Variants in YES1 observed in about 807,000 individuals in gnomAD.
YES1 encodes YES proto-oncogene 1, Src family tyrosine kinase.
Under a neutral mutation model 70.4 loss-of-function variants are expected in YES1, and 39 were observed. The ratio of observed to expected loss-of-function variants is 0.55; its 90% CI spans 0.43 to 0.72. The LOEUF (loss-of-function observed/expected upper bound fraction) is 0.72. Ranked by LOEUF, YES1 falls within the 30% of genes least tolerant of loss-of-function variation. The probability of loss-of-function intolerance (pLI) is 0.00; values close to 1 mark genes in which losing one functional copy is unlikely to be tolerated. For synonymous variants in YES1, 198 were observed against 218.6 expected (o/e 0.91, Z 0.83); for missense variants, 495 against 644.8 (o/e 0.77, Z 2.52).
chr18:750,697 A>ATC (rs1187569652), intron 3 of YES1, among the ~76,000 whole-genome samples: 1 of 152,194 alleles, frequency 6.6e-6, no homozygotes, highest in African/African-American at 2.4e-5. Flanking sequence ...GAGATACTTA[A>ATC]TCCAGCAGGG....
chr18:765,381 G>A (rs1377610736), intron 1 of YES1, among the ~76,000 whole-genome samples: 2 of 145,876 alleles, frequency 1.4e-5, no homozygotes, highest in African/African-American at 5.0e-5. Context: ...TTTGTTTGAA[G>A]TATTTTATAA....
chr18:755,402 C>T (rs1186254841), intron 2 of YES1, among the ~76,000 whole-genome samples: 2 of 152,152 alleles, frequency 1.3e-5, no homozygotes, highest in Non-Finnish European at 2.9e-5. Context: ...GTGCGCAACA[C>T]CACACCTGGC....
chr18:762,029 A>G (rs1904617844), intron 1 of YES1, among the ~76,000 whole-genome samples: 1 of 152,078 alleles, frequency 6.6e-6, no homozygotes, highest in Admixed American at 6.6e-5. Flanking sequence ...TCTACTAAAA[A>G]TACAAAATTA....
intron 6 of YES1, among the ~76,000 whole-genome samples, chr18:745,159 T>C (rs2080264868): frequency 6.6e-6 from 1 of 152,088 alleles, no homozygotes; most frequent in African/African-American, 2.4e-5. Flanking sequence ...TATGCCAAAT[T>C]GGTAATGAAA....
chr18:743,453 C>T (rs762101167), intron 6 of YES1, 38 bp from the exon 7 acceptor site: 1 of 1,545,608 alleles, frequency 6.5e-7, no homozygotes, highest in Non-Finnish European at 8.8e-7. Flanking sequence ...ATATCAATTA[C>T]AAAAATTAAG....
At chr18:806,350 A>G (rs770970314) in intron 1 of YES1, among the ~76,000 whole-genome samples, 3 of 152,250 alleles carry the variant, frequency 2.0e-5, no homozygotes, top group Non-Finnish European at 4.4e-5. Context: ...CTTTAAATTC[A>G]TATTTGAAGG....
At position 752,764 on chromosome 18, in the gene YES1, G is replaced by A. The variant is rs563622131; in HGVS notation, c.272-960C>T. ...TCGAGACCAGCCTGGTCAACAGGGC[G>A]AAACCCTGTCTGTACTAAAAATACA... On this transcript the variant is annotated intron_variant, in intron 2 of 11. Transcript: ENST00000314574. Among the ~76,000 whole-genome samples the A allele has an allele frequency of 9.9e-5, 15 of 152,160 alleles. No individual in the cohort carries two copies. The East Asian group carries it at 2.1e-3, about 22-fold the overall frequency.
chr18:748,085 C>T (rs760210347), intron 3 of YES1, 67 bp from the exon 4 acceptor site: 106 of 1,299,042 alleles, frequency 8.2e-5, no homozygotes, highest in Admixed American at 1.6e-4. Context: ...TATTGCAGTG[C>T]TATCTTGTAT....
In YES1 at chr18:811,632, A is replaced by G. The variant is rs557848306; in HGVS notation, c.-9+482T>C. On this transcript the variant is annotated intron_variant, in intron 1 of 11. Coordinates refer to ENST00000314574, the MANE Select transcript of YES1 (RefSeq NM_005433.4). ...GTTTTCAATCAAACCAAGTAAAGCC[A>G]GAAAGGCTCATCCACTCGCCCCACA... Among the ~76,000 whole-genome samples the G allele has an allele frequency of 3.3e-5, 5 of 152,106 alleles. No homozygotes were observed. In the East Asian group the frequency reaches 7.7e-4, roughly 24 times the overall value.
chr18:781,246 G>C (rs1905646862), intron 1 of YES1, among the ~76,000 whole-genome samples: 1 of 144,014 alleles, frequency 6.9e-6, no homozygotes, highest in South Asian at 2.2e-4. Flanking sequence ...TGCAGCCTGG[G>C]GGACGAGAGT....
At chr18:749,201 A>C (rs1005775634) in intron 3 of YES1, among the ~76,000 whole-genome samples, 1 of 150,484 alleles carries the variant, frequency 6.6e-6, no homozygotes, top group Non-Finnish European at 1.5e-5. Context: ...ACCCAAAAAA[A>C]CTGCATTTCT....
intron 4 of YES1, among the ~76,000 whole-genome samples, chr18:746,890 C>T (rs753451492): frequency 6.6e-6 from 1 of 152,198 alleles, no homozygotes; most frequent in Non-Finnish European, 1.5e-5. Flanking sequence ...CTCTCTCCCT[C>T]TCTACATATG....
intron 8 of YES1, among the ~76,000 whole-genome samples, 187 bp from the exon 9 acceptor site, chr18:739,998 G>A (rs1476284659): frequency 6.6e-6 from 1 of 152,004 alleles, no homozygotes; most frequent in Non-Finnish European, 1.5e-5. Context: ...CTGAAATTTT[G>A]AAAACTTCTG....
In YES1 at chr18:751,797, A is replaced by T; in HGVS notation, c.279T>A (p.Val93=). 6.3e-7 allele frequency: 1 copy of T among 1,582,914 alleles called. No homozygotes were observed. The highest frequency in any genetic ancestry group is 8.7e-7 in the Non-Finnish European group (1 of 1,153,216). The change falls in exon 3 of 12, where the codon GTT becomes GTA. Residue 93 remains valine, a synonymous_variant. Coordinates refer to ENST00000314574, the MANE Select transcript of YES1 (RefSeq NM_005433.4). The part of the protein sequence containing the change: ...SSYPAGLTGG[V]TIFVALYDYE... ...AATCATATAAGGCCACAAATATAGT[A>T]ACACCACCTATCAGAGGGAAAAAAG...
At chr18:728,205 G>A (rs544321332) in intron 11 of YES1, among the ~76,000 whole-genome samples, 2 of 151,974 alleles carry the variant, frequency 1.3e-5, no homozygotes, top group African/African-American at 4.8e-5. Context: ...ACACACCTGT[G>A]GTCTCAGCTA....
chr18:795,055 C>T (rs1019855394), intron 1 of YES1, among the ~76,000 whole-genome samples: 8 of 152,100 alleles, frequency 5.3e-5, no homozygotes, highest in Non-Finnish European at 7.3e-5. Flanking sequence ...TCTCGTGATC[C>T]GCCTGCCTTG....
chr18:735,763 T>C (rs946472129), intron 10 of YES1: 1 of 152,002 alleles, frequency 6.6e-6, no homozygotes, highest in Non-Finnish European at 1.5e-5. Context: ...CAGTGCAAGA[T>C]GCTTGGGTGA....
rs572328895 is a variant in YES1 at position 722,472 on chromosome 18, GA to G, written c.*1951del. 413 of 152,706 alleles carry G rather than the reference GA, an allele frequency of 2.7e-3. 2 individuals are homozygous for G. The highest frequency in any genetic ancestry group is 9.5e-3 in the African/African-American group (393 of 41,556). The allele number at this position is 152,706 out of a possible 1,614,324, so 9.5% of individuals were successfully genotyped here. On this transcript the variant is annotated 3_prime_UTR_variant, in exon 12 of 12. Transcript: ENST00000314574. Reference sequence around the variant, plus strand: ...TAATGATAGTTAAGAATTATATCCTGAAAATAGAGGGGCCTAATATAAGGCT... The same window carrying G: ...TAATGATAGTTAAGAATTATATCCTGAAATAGAGGGGCCTAATATAAGGCT...
rs534233972 is a variant in YES1, at chr18:746,994, T to A, written c.470+926A>T. Reference sequence around the variant, plus strand: ...AATTAGTGCCTCAAATACTTCAGTGTGTACTTGCTAAAAGAGAAGGATACT... The same window carrying A: ...AATTAGTGCCTCAAATACTTCAGTGAGTACTTGCTAAAAGAGAAGGATACT... On this transcript the variant is annotated intron_variant, in intron 4 of 11. Transcript: ENST00000314574. Among the ~76,000 whole-genome samples the A allele has an allele frequency of 3.9e-5, 6 of 152,346 alleles. No homozygotes were observed. The South Asian group carries it at 1.2e-3, about 32-fold the overall frequency.
Sources: allele counts gnomAD v4.1 joint callset (sites outside exome capture counted in the v4.1 genomes callset), GRCh38; gene constraint gnomAD v4.1.1; transcripts MANE v1.5; gene names NCBI Gene and HGNC (gene_info 2026-07-23, HGNC 2026-07-21).